The following AUTS2 variants were observed in gnomAD, a reference collection of about 807,000 sequenced individuals.
The protein encoded by AUTS2 is activator of transcription and developmental regulator AUTS2.
AUTS2 carries 17 observed loss-of-function variants against 112.4 expected under a neutral mutation model. The observed-to-expected ratio is 0.15, with a 90% CI of 0.10 to 0.23. The LOEUF is 0.23. Ranked by LOEUF, AUTS2 falls within the 10% of genes least tolerant of loss-of-function variation. AUTS2 has a pLI of 1.00. For missense variants in AUTS2, 1,510 were observed against 1,701.6 expected, an observed-to-expected ratio of 0.89 and a Z score of 1.98; for synonymous variants, 751 against 702.7, an observed-to-expected ratio of 1.07 and a Z score of -1.09.
chr7:70,497,248 A>G (rs1044990426), intron 5 of AUTS2, among the ~76,000 whole-genome samples: 2 of 120,824 alleles, frequency 1.7e-5, no homozygotes, highest in African/African-American at 6.4e-5. Context: ...CACACACACC[A>G]CGTACACAGT....
At chr7:70,673,799 A>G (rs780328629) in intron 5 of AUTS2, among the ~76,000 whole-genome samples, 1 of 152,200 alleles carries the variant, frequency 6.6e-6, no homozygotes, top group Non-Finnish European at 1.5e-5. Flanking sequence ...TCACAGAATC[A>G]TCTACTTCTA....
chr7:70,713,448 A>G (rs1480615491), intron 6 of AUTS2, among the ~76,000 whole-genome samples: 2 of 152,272 alleles, frequency 1.3e-5, no homozygotes, highest in African/African-American at 4.8e-5. Flanking sequence ...TTCCCAAAAA[A>G]TGTAAAACTC....
chr7:69,867,574 A>G (rs1376563016), intron 1 of AUTS2, among the ~76,000 whole-genome samples: 1 of 152,112 alleles, frequency 6.6e-6, no homozygotes, highest in East Asian at 1.9e-4. Flanking sequence ...CTAGTACAGC[A>G]TTTCCTTTTT....
At chr7:70,439,218 G>A (rs899574094) in intron 5 of AUTS2, among the ~76,000 whole-genome samples, 1 of 152,132 alleles carries the variant, frequency 6.6e-6, no homozygotes, top group Non-Finnish European at 1.5e-5. Flanking sequence ...GCACATTAAT[G>A]TCAGATAACC....
At position 70,230,447 on chromosome 7, in the gene AUTS2, A is replaced by T. The variant is rs139218925; in HGVS notation, c.660+95876A>T. 8.2e-3 allele frequency among the ~76,000 whole-genome samples: 1,249 copies of T among 152,272 alleles called. 27 individuals carry two copies. The highest frequency in any genetic ancestry group is 0.064 in the East Asian group (328 of 5,162). ...AAAATAGTTGAGTGCTCAGTTAAAG[A>T]TTGGCTAGAGATTGTATCTAAACAC... On this transcript the variant is annotated intron_variant, in intron 4 of 18. Coordinates refer to ENST00000342771, the MANE Select transcript of AUTS2 (RefSeq NM_015570.4).
chr7:69,797,760 A>G (rs1789910398), intron 1 of AUTS2, among the ~76,000 whole-genome samples: 1 of 149,876 alleles, frequency 6.7e-6, no homozygotes, highest in South Asian at 2.1e-4. Flanking sequence ...TTTTAAAAAA[A>G]GAAACAGGGA....
At chr7:70,542,655 C>T (rs892109168) in intron 5 of AUTS2, among the ~76,000 whole-genome samples, 3 of 152,188 alleles carry the variant, frequency 2.0e-5, no homozygotes, top group East Asian at 1.9e-4. Flanking sequence ...TTCATTGTCT[C>T]CTTTATTTAT....
intron 1 of AUTS2, among the ~76,000 whole-genome samples, chr7:69,731,839 A>G (rs1283740312): frequency 7.2e-5 from 11 of 152,328 alleles, no homozygotes; most frequent in East Asian, 3.9e-4. Flanking sequence ...GTCAGGAGAC[A>G]TTCCTATTTA....
At chr7:70,317,496 C>A (rs753446250) in intron 4 of AUTS2, among the ~76,000 whole-genome samples, 3 of 152,120 alleles carry the variant, frequency 2.0e-5, no homozygotes, top group Non-Finnish European at 4.4e-5. Flanking sequence ...ATTCATTTTT[C>A]CTGGTTTTCC....
chr7:70,443,013 C>A (rs564952188), intron 5 of AUTS2, among the ~76,000 whole-genome samples: 1 of 152,226 alleles, frequency 6.6e-6, no homozygotes, highest in South Asian at 2.1e-4. Flanking sequence ...ATCTCATTAT[C>A]TTTTTCATAT....
chr7:70,656,610 G>C (rs906546901), intron 5 of AUTS2, among the ~76,000 whole-genome samples: 3 of 152,150 alleles, frequency 2.0e-5, no homozygotes, highest in African/African-American at 7.2e-5. Flanking sequence ...AAGAAATAAG[G>C]GTATAAGAGC....
chr7:69,892,159 T>C (rs1157809013), intron 1 of AUTS2, among the ~76,000 whole-genome samples: 1 of 147,690 alleles, frequency 6.8e-6, no homozygotes, highest in Non-Finnish European at 1.5e-5. Context: ...TTTCCTTTTT[T>C]AGTTTTGAGA....
chr7:70,609,722 C>T (rs753906793), intron 5 of AUTS2, among the ~76,000 whole-genome samples: 5 of 151,988 alleles, frequency 3.3e-5, no homozygotes, highest in South Asian at 2.1e-4. Context: ...CCACCACGCC[C>T]GGCCAGGATT....
intron 4 of AUTS2, among the ~76,000 whole-genome samples, chr7:70,285,465 T>C (rs1305078896): frequency 6.6e-6 from 1 of 152,236 alleles, no homozygotes; most frequent in East Asian, 1.9e-4. Flanking sequence ...CTCTTAGGCC[T>C]GCTATTTACT....
At chr7:70,747,307 C>T (rs1788513830) in intron 6 of AUTS2, among the ~76,000 whole-genome samples, 1 of 152,162 alleles carries the variant, frequency 6.6e-6, no homozygotes, top group Admixed American at 6.5e-5. Flanking sequence ...ATTTCCCTTC[C>T]AGGATTATAA....
At chr7:70,751,897 T>C (rs1380123544) in intron 6 of AUTS2, among the ~76,000 whole-genome samples, 12 of 152,112 alleles carry the variant, frequency 7.9e-5, no homozygotes, top group Admixed American at 2.0e-4. Context: ...TTTTTGTTTT[T>C]TTTTTTTAGT....
intron 1 of AUTS2, among the ~76,000 whole-genome samples, chr7:69,689,379 C>T (rs1445285925): frequency 4.5e-5 from 5 of 111,428 alleles, no homozygotes; most frequent in African/African-American, 1.7e-4. Flanking sequence ...GAGACGGAGT[C>T]TCTCTCTGTC....
chr7:69,884,668 G>A (rs1245779805), intron 1 of AUTS2, among the ~76,000 whole-genome samples: 1 of 152,172 alleles, frequency 6.6e-6, no homozygotes, highest in East Asian at 1.9e-4. Context: ...TTGGCCTAGA[G>A]ACAAGCCTGT....
At chr7:70,680,068 T>G (rs1808128655) in intron 5 of AUTS2, among the ~76,000 whole-genome samples, 1 of 152,186 alleles carries the variant, frequency 6.6e-6, no homozygotes, top group African/African-American at 2.4e-5. Flanking sequence ...GACCATAGCA[T>G]ACTTCTGACA....
Sources: gnomAD v4.1 joint callset for allele counts (sites outside exome capture counted in the v4.1 genomes callset) on GRCh38, gnomAD v4.1.1 for gene constraint, MANE v1.5 for transcripts, NCBI Gene and HGNC (gene_info 2026-07-23, HGNC 2026-07-21) for gene names.